Variants in BMPR2 observed in about 807,000 individuals in gnomAD.
BMPR2 encodes bone morphogenetic protein receptor type 2.
Under a neutral mutation model 100.8 loss-of-function variants are expected in BMPR2, and 29 were observed. That is an observed-to-expected ratio of 0.29 (90% CI 0.21 to 0.39). BMPR2 has a LOEUF of 0.39. BMPR2 is among the 10% of genes least tolerant of loss of function. The pLI is 1.00. For missense variants in BMPR2, 1,011 were observed against 1,274.5 expected, an observed-to-expected ratio of 0.79 and a Z score of 3.15; for synonymous variants, 382 against 442.3, an observed-to-expected ratio of 0.86 and a Z score of 1.71.
intron 6 of BMPR2, 54 bp downstream of exon 6, chr2:202,519,106 A>G: frequency 1.3e-6 from 2 of 1,561,958 alleles, no homozygotes; most frequent in East Asian, 2.2e-5. Context: ...TTATGCCTGT[A>G]ATCCCAGCAC....
At chr2:202,470,369 G>A (rs978310734) in intron 3 of BMPR2, among the ~76,000 whole-genome samples, 6 of 152,030 alleles carry the variant, frequency 3.9e-5, no homozygotes, top group South Asian at 2.1e-4. Flanking sequence ...AAAAAGGAAC[G>A]AAGCCTTCTT....
At chr2:202,524,584 A>G (rs963311758) in intron 7 of BMPR2, among the ~76,000 whole-genome samples, 1 of 152,038 alleles carries the variant, frequency 6.6e-6, no homozygotes, top group Non-Finnish European at 1.5e-5. Context: ...GTTCAAGACC[A>G]ACATGGTGAA....
intron 3 of BMPR2, among the ~76,000 whole-genome samples, chr2:202,472,637 C>A (rs1692458304): frequency 6.6e-6 from 1 of 152,208 alleles, no homozygotes. Flanking sequence ...CTAGCCTGGG[C>A]AACAGAGACT....
chr2:202,412,374 A>C (rs1691030799), intron 1 of BMPR2, among the ~76,000 whole-genome samples: 2 of 152,196 alleles, frequency 1.3e-5, no homozygotes, highest in African/African-American at 4.8e-5. Context: ...GCTGGAGTGC[A>C]GTGGCGCAAT....
intron 9 of BMPR2, among the ~76,000 whole-genome samples, chr2:202,541,849 C>T (rs1214965586): frequency 2.6e-5 from 4 of 152,140 alleles, no homozygotes; most frequent in African/African-American, 4.8e-5. Flanking sequence ...TGGTGGCTCA[C>T]GCCTGTAATC....
intron 3 of BMPR2, among the ~76,000 whole-genome samples, chr2:202,487,273 A>C (rs975937015): frequency 1.3e-5 from 2 of 152,164 alleles, no homozygotes; most frequent in African/African-American, 4.8e-5. Flanking sequence ...ATAGTCATCT[A>C]GGAACTTAAT....
Position 202,470,896 on chromosome 2 carries a change from C to CA in BMPR2, c.418+3216dup, listed in dbSNP as rs931724703. Among the ~76,000 whole-genome samples the CA allele has an allele frequency of 9.6e-4, 144 of 150,302 alleles. 1 individual carries two copies. The highest frequency in any genetic ancestry group is 3.2e-3 in the African/African-American group (132 of 40,954). ...AGCCTGGGCAACATAGACCTTATCT[C>CA]AAAAAAAAATTAAAAAGTAGCCAGG... On this transcript the variant is annotated intron_variant, in intron 3 of 12. Transcript: ENST00000374580.
intron 1 of BMPR2, among the ~76,000 whole-genome samples, chr2:202,379,551 A>T (rs944596159): frequency 2.0e-5 from 3 of 152,202 alleles, no homozygotes; most frequent in Non-Finnish European, 2.9e-5. Context: ...AGCAGTGGTT[A>T]TGCAAATGTC....
At chr2:202,442,109 A>G (rs892333454) in intron 1 of BMPR2, among the ~76,000 whole-genome samples, 1 of 150,650 alleles carries the variant, frequency 6.6e-6, no homozygotes, top group Non-Finnish European at 1.5e-5. Flanking sequence ...CACGTACTTC[A>G]TCTGGGTTAA....
Position 202,435,686 on chromosome 2 carries a change from C to G in BMPR2, c.77-29123C>G, listed in dbSNP as rs544730338. ...AGAGCAAGTTCTAGTCCTACAAGCT[C>G]CATTCATGGTAAGTGCCCTATACAG... On this transcript the variant is annotated intron_variant, in intron 1 of 12. Coordinates refer to ENST00000374580, the MANE Select transcript of BMPR2 (RefSeq NM_001204.7). 1.3e-4 allele frequency among the ~76,000 whole-genome samples: 19 copies of G among 150,026 alleles called. No homozygotes were observed. In the South Asian group the frequency reaches 4.0e-3, roughly 31 times the overall value.
chr2:202,427,867 A>G (rs997353772), intron 1 of BMPR2, among the ~76,000 whole-genome samples: 9 of 152,042 alleles, frequency 5.9e-5, no homozygotes, highest in South Asian at 2.1e-4. Flanking sequence ...AGTCCCAGCT[A>G]TTCAGGAGGC....
intron 12 of BMPR2, among the ~76,000 whole-genome samples, chr2:202,558,046 C>T (rs529815196): frequency 5.9e-5 from 9 of 152,186 alleles, no homozygotes; most frequent in African/African-American, 1.9e-4. Context: ...AGGCTAGGCA[C>T]GGTGGCTCAC....
chr2:202,454,085 T>G (rs1692039997), intron 1 of BMPR2, among the ~76,000 whole-genome samples: 1 of 152,202 alleles, frequency 6.6e-6, no homozygotes, highest in Non-Finnish European at 1.5e-5. Context: ...TTAATTTTTG[T>G]TTTTGAGACA....
At chr2:202,525,919 G>A (rs920391296) in intron 7 of BMPR2, among the ~76,000 whole-genome samples, 1 of 139,122 alleles carries the variant, frequency 7.2e-6, no homozygotes, top group African/African-American at 2.8e-5. Flanking sequence ...AGGCTGGAGT[G>A]CAATGGTGCG....
chr2:202,389,580 T>A (rs1690504792), intron 1 of BMPR2, among the ~76,000 whole-genome samples: 1 of 151,782 alleles, frequency 6.6e-6, no homozygotes, highest in Admixed American at 6.6e-5. Context: ...TCATTTCTTT[T>A]AAAAAACTTT....
At chr2:202,441,200 C>T (rs370219735) in intron 1 of BMPR2, among the ~76,000 whole-genome samples, 1 of 149,814 alleles carries the variant, frequency 6.7e-6, no homozygotes, top group Non-Finnish European at 1.5e-5. Context: ...AGGGTGGTCT[C>T]GAACTCCTGA....
chr2:202,458,469 CA>C (rs200855527), intron 1 of BMPR2, among the ~76,000 whole-genome samples: 8 of 151,232 alleles, frequency 5.3e-5, no homozygotes, highest in African/African-American at 1.9e-4. Flanking sequence ...GACCCTGTCT[CA>C]AAAAAAATTT....
At chr2:202,485,545 C>CTTTTTTTTGTTTTTTTTTTTTTTTTT in intron 3 of BMPR2, among the ~76,000 whole-genome samples, 1 of 64,010 alleles carries the variant, frequency 1.6e-5, no homozygotes, top group African/African-American at 5.7e-5. Context: ...TTGCCTTTAT[C>CTTTTTTTTGTTTTTTTTTTTTTTTTT]TTTTTTTTTT....
At chr2:202,478,651 G>A (rs1263947807) in intron 3 of BMPR2, among the ~76,000 whole-genome samples, 1 of 152,184 alleles carries the variant, frequency 6.6e-6, no homozygotes, top group Non-Finnish European at 1.5e-5. Context: ...GCTCACACCT[G>A]TAATCCCAGC....
Sources: gnomAD v4.1 joint callset for allele counts (sites outside exome capture counted in the v4.1 genomes callset) on GRCh38, gnomAD v4.1.1 for gene constraint, MANE v1.5 for transcripts, NCBI Gene and HGNC (gene_info 2026-07-23, HGNC 2026-07-21) for gene names.